Variants in MAD1L1 observed in about 807,000 individuals in gnomAD.
The protein encoded by MAD1L1 is mitotic spindle assembly checkpoint protein MAD1.
MAD1L1 carries 95 observed loss-of-function variants against 96.9 expected under a neutral mutation model. That is an observed-to-expected ratio of 0.98 (90% CI 0.83 to 1.16). The LOEUF (loss-of-function observed/expected upper bound fraction) is 1.16. MAD1L1 is among the 50% of genes most tolerant of loss of function. The probability of loss-of-function intolerance (pLI) is 0.00; values close to 1 mark genes in which losing one functional copy is unlikely to be tolerated. For missense variants in MAD1L1, 1,007 were observed against 954.4 expected, an observed-to-expected ratio of 1.06 and a Z score of -0.73; for synonymous variants, 473 against 396.6, an observed-to-expected ratio of 1.19 and a Z score of -2.29.
chr7:2,033,253 C>G (rs1783313780), intron 12 of MAD1L1, among the ~76,000 whole-genome samples: 1 of 152,354 alleles, frequency 6.6e-6, no homozygotes, highest in South Asian at 2.1e-4. Flanking sequence ...CCCGGGGGCA[C>G]AGAACACCTG....
At chr7:2,045,172 C>G (rs369673820) in intron 12 of MAD1L1, among the ~76,000 whole-genome samples, 1 of 152,202 alleles carries the variant, frequency 6.6e-6, no homozygotes, top group Non-Finnish European at 1.5e-5. Context: ...CTCCACACCC[C>G]TCTCTGCTCC....
intron 11 of MAD1L1, among the ~76,000 whole-genome samples, chr7:2,082,186 G>A (rs533256659): frequency 1.2e-4 from 19 of 152,148 alleles, no homozygotes; most frequent in African/African-American, 4.1e-4. Context: ...GGGAGGGGAC[G>A]GGGACCAGGA....
rs1057033046 is a variant in MAD1L1 at position 1,917,749 on chromosome 7, G to T, written c.1807+18938C>A. Among the ~76,000 whole-genome samples the T allele has an allele frequency of 5.3e-5, 8 of 152,348 alleles. No individual in the cohort carries two copies. In the East Asian group the frequency reaches 1.5e-3, roughly 29 times the overall value. The stretch of plus-strand genomic sequence containing the variant: ...CCTGTGGCTGGCACACGCTGCCCGG[G>T]CGTGTGGCCGTGCACAGCCAGGACA... On this transcript the variant is annotated intron_variant, in intron 17 of 18. Transcript: ENST00000265854.
In MAD1L1 at chr7:1,934,092, G is replaced by A. The variant is rs182016097; in HGVS notation, c.1807+2595C>T. Among the ~76,000 whole-genome samples the A allele has an allele frequency of 7.1e-4, 108 of 152,306 alleles. 1 individual carries two copies. The highest frequency in any genetic ancestry group is 1.2e-3 in the Non-Finnish European group (82 of 68,018). The stretch of plus-strand genomic sequence containing the variant: ...GCCACCAACACTGTGATTTTTGGGG[G>A]CACAGACACGCGCTGCATCAGCCAC... On this transcript the variant is annotated intron_variant, in intron 17 of 18. Transcript: ENST00000265854.
intron 11 of MAD1L1, chr7:2,107,518 G>C (rs1333438138): frequency 6.6e-6 from 1 of 152,452 alleles, no homozygotes; most frequent in African/African-American, 2.4e-5. Flanking sequence ...CGCGCTTCCA[G>C]TCTTCAACAG....
intron 11 of MAD1L1, among the ~76,000 whole-genome samples, chr7:2,135,839 T>C (rs1393901237): frequency 6.6e-6 from 1 of 152,240 alleles, no homozygotes; most frequent in Non-Finnish European, 1.5e-5. Context: ...ATCTGAGCCT[T>C]TGGAGGTGAG....
chr7:2,049,496 A>T (rs989745320), intron 12 of MAD1L1, among the ~76,000 whole-genome samples: 8 of 152,330 alleles, frequency 5.3e-5, no homozygotes, highest in African/African-American at 1.7e-4. Context: ...GATGGCACTC[A>T]AGAAATTTAG....
chr7:2,034,736 T>C (rs550534989), intron 12 of MAD1L1, among the ~76,000 whole-genome samples: 3 of 152,286 alleles, frequency 2.0e-5, no homozygotes, highest in East Asian at 1.9e-4. Context: ...GGTTGGCTGA[T>C]AGATTGGCTG....
chr7:1,865,838 C>A (rs1293366725), intron 18 of MAD1L1, among the ~76,000 whole-genome samples: 1 of 152,242 alleles, frequency 6.6e-6, no homozygotes, highest in Non-Finnish European at 1.5e-5. Flanking sequence ...GCTTGCAGGC[C>A]CTGTGCACCG....
intron 12 of MAD1L1, among the ~76,000 whole-genome samples, chr7:2,046,699 G>T (rs755997936): frequency 2.6e-5 from 4 of 152,132 alleles, no homozygotes; most frequent in Non-Finnish European, 5.9e-5. Flanking sequence ...AGGGGTGAGC[G>T]CTGCCCGCCT....
chr7:1,839,275 C>T (rs1783106673), intron 18 of MAD1L1, among the ~76,000 whole-genome samples: 1 of 152,018 alleles, frequency 6.6e-6, no homozygotes, highest in Admixed American at 6.5e-5. Flanking sequence ...CGTCTAGTCC[C>T]CACCCAGGAC....
intron 18 of MAD1L1, among the ~76,000 whole-genome samples, chr7:1,862,663 C>A (rs1321593574): frequency 2.0e-5 from 3 of 152,262 alleles, no homozygotes; most frequent in African/African-American, 7.2e-5. Flanking sequence ...AGGTAACGGT[C>A]TGCCTACAGG....
chr7:2,091,323 C>T (rs1399613973), intron 11 of MAD1L1, among the ~76,000 whole-genome samples: 2 of 152,238 alleles, frequency 1.3e-5, no homozygotes, highest in Non-Finnish European at 1.5e-5. Flanking sequence ...GGTGTGCCTG[C>T]CTCCGGGCCC....
At chr7:1,882,747 G>A (rs949453976) in intron 18 of MAD1L1, among the ~76,000 whole-genome samples, 2 of 152,120 alleles carry the variant, frequency 1.3e-5, no homozygotes, top group Admixed American at 6.5e-5. Flanking sequence ...ATGGCCCCTC[G>A]CCCCCCTTCC....
intron 12 of MAD1L1, among the ~76,000 whole-genome samples, chr7:2,020,426 C>T (rs1217789401): frequency 6.6e-6 from 1 of 152,254 alleles, no homozygotes; most frequent in East Asian, 1.9e-4. Context: ...CTGCAGTTCC[C>T]AGCAGCCTTC....
At position 1,903,866 on chromosome 7, in the gene MAD1L1, ACGCAG is replaced by A. The variant is rs1436240373; in HGVS notation, c.1808-5481_1808-5477del. ...TCAAGCACTGTTCCAGGCAGCGAGG[ACGCAG>A]TGGCCTATGGAAGATGCTCTTGCGG... On this transcript the variant is annotated intron_variant, in intron 17 of 18. Coordinates refer to ENST00000265854, the MANE Select transcript of MAD1L1 (RefSeq NM_001013836.2). Among the ~76,000 whole-genome samples, 30 of 140,644 alleles carry A rather than the reference ACGCAG, an allele frequency of 2.1e-4. 1 individual carries two copies. Among genetic ancestry groups the A allele is most frequent in the Non-Finnish European group, 2.8e-4 (18 of 65,262 alleles). 92.3% of individuals were successfully genotyped at this position (140,644 alleles called of 152,430 possible).
At chr7:1,970,059 A>T (rs577927184) in intron 15 of MAD1L1, among the ~76,000 whole-genome samples, 3 of 152,206 alleles carry the variant, frequency 2.0e-5, no homozygotes, top group Non-Finnish European at 4.4e-5. Flanking sequence ...ACCTGGATGG[A>T]TCTCGCTCGA....
At position 2,219,470 on chromosome 7, in the gene MAD1L1, G is replaced by A; in HGVS notation, c.472-14C>T. 1 of 1,612,414 alleles carries A rather than the reference G, an allele frequency of 6.2e-7. No homozygotes were observed. Among genetic ancestry groups the A allele is most frequent in the Non-Finnish European group, 8.5e-7 (1 of 1,179,140 alleles). On this transcript the variant is annotated splice_polypyrimidine_tract_variant and intron_variant, in intron 5 of 18. Transcript: ENST00000265854. ...TGCGTTGATGGTCTAAAAGTAGAGGGGACCAGAGAGCCGCTCAGTGAGTGG... is the reference window on the plus strand; with the variant it reads ...TGCGTTGATGGTCTAAAAGTAGAGGAGACCAGAGAGCCGCTCAGTGAGTGG...
At chr7:1,949,519 G>A (rs1779389433) in intron 16 of MAD1L1, among the ~76,000 whole-genome samples, 1 of 152,196 alleles carries the variant, frequency 6.6e-6, no homozygotes, top group Non-Finnish European at 1.5e-5. Context: ...TTCCTCATGA[G>A]AGAAGCAAAG....
Sources: allele counts gnomAD v4.1 joint callset (sites outside exome capture counted in the v4.1 genomes callset), GRCh38; gene constraint gnomAD v4.1.1; transcripts MANE v1.5; gene names NCBI Gene and HGNC (gene_info 2026-07-23, HGNC 2026-07-21).